RASSF3: variants seen among roughly 807,000 people sequenced by gnomAD.
RASSF3 encodes Ras association domain family member 3, also known as ras association domain-containing protein 3.
A neutral mutation model predicts 19.9 loss-of-function variants in RASSF3; 19 were observed. The observed-to-expected ratio is 0.96, with a 90% CI of 0.67 to 1.40. The LOEUF (loss-of-function observed/expected upper bound fraction) is 1.40, where lower values mean the gene tolerates loss of function less well. RASSF3 is among the 40% of genes most tolerant of loss of function. The pLI is 0.00. For synonymous variants in RASSF3, 110 were observed against 104.2 expected (o/e 1.06, Z -0.34); for missense variants, 306 against 289.8 (o/e 1.06, Z -0.41).
chr12:64,604,870 C>G (rs1257386205), intron 2 of RASSF3, among the ~76,000 whole-genome samples: 2 of 152,168 alleles, frequency 1.3e-5, no homozygotes, highest in African/African-American at 4.8e-5. Flanking sequence ...TGTGATCCGC[C>G]CGCCTCGGCC....
chr12:64,676,995 T>A (rs944068042), intron 1 of RASSF3, among the ~76,000 whole-genome samples: 2 of 152,118 alleles, frequency 1.3e-5, no homozygotes, highest in Admixed American at 1.3e-4. Flanking sequence ...ATTGAACTCC[T>A]GGGCTCGAAG....
Position 64,526,671 on chromosome 12 carries a change from G to A in RASSF3, c.170-14910G>A, listed in dbSNP as rs143302530. On this transcript the variant is annotated intron_variant, in intron 1 of 5. Coordinates refer to the RASSF3 transcript ENST00000637125. ...CAATTCTCCCACCTCAGCCTACTGA[G>A]TAACTGGGACTATAGGCACATGCCA... Among the ~76,000 whole-genome samples the A allele has an allele frequency of 3.1e-3, 470 of 152,262 alleles. 6 individuals carry two copies. Among genetic ancestry groups the A allele is most frequent in the Middle Eastern group, 6.8e-3 (2 of 294 alleles).
intron 2 of RASSF3, among the ~76,000 whole-genome samples, chr12:64,579,992 T>G (rs748420933): frequency 3.3e-5 from 5 of 151,996 alleles, no homozygotes; most frequent in Non-Finnish European, 7.4e-5. Context: ...TTTTTGTTTT[T>G]TCAGTAGAGA....
At chr12:64,578,852 C>T (rs1472222409) in intron 2 of RASSF3, among the ~76,000 whole-genome samples, 1 of 152,130 alleles carries the variant, frequency 6.6e-6, no homozygotes, top group Non-Finnish European at 1.5e-5. Context: ...TCTATAAAAT[C>T]ATGCCTTTTT....
At chr12:64,560,783 C>T (rs548046199) in intron 2 of RASSF3, among the ~76,000 whole-genome samples, 51 of 152,188 alleles carry the variant, frequency 3.4e-4, no homozygotes, top group African/African-American at 1.2e-3. Flanking sequence ...AATACTTGTG[C>T]GGGATAAAGG....
At chr12:64,553,570 G>A (rs1056681695) in intron 2 of RASSF3, among the ~76,000 whole-genome samples, 4 of 152,164 alleles carry the variant, frequency 2.6e-5, no homozygotes, top group Admixed American at 1.3e-4. Flanking sequence ...AGAAGGAGAC[G>A]AGACCTTGGA....
At chr12:64,607,051 G>A (rs150828542), upstream of RASSF3, among the ~76,000 whole-genome samples, 2,448 of 152,148 alleles carry the variant, frequency 0.016, 38 homozygotes, top group Non-Finnish European at 0.026. Context: ...GGCCGAGGTG[G>A]GAGGATCACT....
chr12:64,552,265 A>G (rs1262632036), intron 2 of RASSF3, among the ~76,000 whole-genome samples: 1 of 152,062 alleles, frequency 6.6e-6, no homozygotes, highest in Non-Finnish European at 1.5e-5. Context: ...AACTCGGGCA[A>G]GAGATTTGAA....
chr12:64,667,060 G>A (rs141481587), intron 1 of RASSF3, among the ~76,000 whole-genome samples: 9 of 152,150 alleles, frequency 5.9e-5, no homozygotes, highest in African/African-American at 1.2e-4. Context: ...AGCCAGATAC[G>A]GAGGCTCAGC....
chr12:64,598,564 C>T (rs1870033537), intron 2 of RASSF3, among the ~76,000 whole-genome samples: 1 of 152,148 alleles, frequency 6.6e-6, no homozygotes, highest in Non-Finnish European at 1.5e-5. Context: ...TTGATATGGA[C>T]AATTTATGCA....
chr12:64,508,296 C>A (rs1868303992), intron 1 of RASSF3, among the ~76,000 whole-genome samples: 1 of 151,972 alleles, frequency 6.6e-6, no homozygotes. Context: ...AGATGCATTA[C>A]CTGAGGTGAG....
intron 1 of RASSF3, among the ~76,000 whole-genome samples, chr12:64,515,878 CAT>C (rs1391842293): frequency 2.0e-5 from 3 of 152,132 alleles, no homozygotes; most frequent in African/African-American, 7.2e-5. Flanking sequence ...GCTAGAAACA[CAT>C]GTCTTTCAGT....
At chr12:64,643,515 T>C (rs1001812985) in intron 1 of RASSF3, among the ~76,000 whole-genome samples, 1 of 151,688 alleles carries the variant, frequency 6.6e-6, no homozygotes, top group Non-Finnish European at 1.5e-5. Context: ...GCCACTGCAT[T>C]CCAGCCTGGG....
intron 1 of RASSF3, among the ~76,000 whole-genome samples, chr12:64,510,868 A>C (rs1868324076): frequency 1.3e-5 from 2 of 152,180 alleles, no homozygotes; most frequent in Admixed American, 1.3e-4. Flanking sequence ...GCTGCTGGGA[A>C]GATCAAGGGA....
upstream of RASSF3, among the ~76,000 whole-genome samples, chr12:64,606,459 C>A (rs1303395135): frequency 6.6e-6 from 1 of 152,180 alleles, no homozygotes; most frequent in African/African-American, 2.4e-5. Flanking sequence ...TTCACTTAAT[C>A]CTTACAGTAA....
chr12:64,633,510 A>ACCTCCTGAGGT (rs149177544), intron 1 of RASSF3, among the ~76,000 whole-genome samples: 1 of 150,472 alleles, frequency 6.6e-6, no homozygotes, highest in Non-Finnish European at 1.5e-5. Context: ...TTTTCCTTTC[A>ACCTCCTGAGGT]CCTCCTGAGG....
At chr12:64,624,748 C>CTCCT (rs1212162061) in intron 1 of RASSF3, among the ~76,000 whole-genome samples, 1 of 152,142 alleles carries the variant, frequency 6.6e-6, no homozygotes, top group Non-Finnish European at 1.5e-5. Context: ...CAAGCTCTGC[C>CTCCT]TCCTGGGTTA....
chr12:64,541,328 A>T (rs2136114879), intron 1 of RASSF3, among the ~76,000 whole-genome samples: 2 of 152,274 alleles, frequency 1.3e-5, no homozygotes, highest in Non-Finnish European at 2.9e-5. Context: ...AAAAAAATGT[A>T]TCGTAGCCTA....
intron 1 of RASSF3, among the ~76,000 whole-genome samples, chr12:64,625,233 ATTT>A (rs2136168083): frequency 6.6e-6 from 1 of 152,036 alleles, no homozygotes; most frequent in African/African-American, 2.4e-5. Context: ...TATTATTATT[ATTT>A]TTTAGCTGCA....
Sources: allele counts gnomAD v4.1 joint callset (sites outside exome capture counted in the v4.1 genomes callset), GRCh38; gene constraint gnomAD v4.1.1; transcripts MANE v1.5; gene names NCBI Gene and HGNC (gene_info 2026-07-23, HGNC 2026-07-21).